The following CDH18 variants were observed in gnomAD, a reference collection of about 807,000 sequenced individuals.
The protein encoded by CDH18 is cadherin-18.
Under a neutral mutation model 67.9 loss-of-function variants are expected in CDH18, and 31 were observed. The observed-to-expected ratio is 0.46, with a 90% CI of 0.34 to 0.62. CDH18 has a LOEUF of 0.62. CDH18 is among the 20% of genes least tolerant of loss of function. The probability of loss-of-function intolerance (pLI) is 0.01; values close to 1 mark genes in which losing one functional copy is unlikely to be tolerated. For synonymous variants in CDH18, 362 were observed against 347.2 expected, an observed-to-expected ratio of 1.04 and a Z score of -0.48; for missense variants, 890 against 975.5, an observed-to-expected ratio of 0.91 and a Z score of 1.17.
chr5:19,933,591 C>T (rs186923138), intron 2 of CDH18, among the ~76,000 whole-genome samples: 1 of 151,548 alleles, frequency 6.6e-6, no homozygotes, highest in Admixed American at 6.6e-5. Flanking sequence ...AGTATTTTGC[C>T]ATCATAACTC....
At chr5:20,371,837 G>C (rs995698345) in intron 1 of CDH18, among the ~76,000 whole-genome samples, 2 of 152,190 alleles carry the variant, frequency 1.3e-5, no homozygotes, top group Admixed American at 1.3e-4. Flanking sequence ...TCCTGAGTAA[G>C]AGAAGAACAA....
chr5:20,525,331 C>T (rs189698839), intron 1 of CDH18, among the ~76,000 whole-genome samples: 3 of 152,136 alleles, frequency 2.0e-5, no homozygotes, highest in Admixed American at 2.0e-4. Context: ...TTTGTAGTGT[C>T]AGCATTTACT....
At chr5:20,098,445 T>C (rs1006057041) in intron 2 of CDH18, among the ~76,000 whole-genome samples, 1 of 152,104 alleles carries the variant, frequency 6.6e-6, no homozygotes. Flanking sequence ...TTGTTCATCT[T>C]ATTACCGAAA....
At chr5:19,616,960 C>A (rs568361536) in intron 5 of CDH18, among the ~76,000 whole-genome samples, 1 of 152,198 alleles carries the variant, frequency 6.6e-6, no homozygotes, top group South Asian at 2.1e-4. Context: ...CTATTTTCAT[C>A]ATGAAATGAC....
intron 3 of CDH18, among the ~76,000 whole-genome samples, chr5:19,819,678 C>G (rs186012484): frequency 6.6e-6 from 1 of 152,118 alleles, no homozygotes; most frequent in Non-Finnish European, 1.5e-5. Context: ...GAGGCAGAGG[C>G]TTGCACAGAG....
intron 5 of CDH18, among the ~76,000 whole-genome samples, chr5:19,614,891 T>C (rs1749563710): frequency 6.6e-6 from 1 of 152,178 alleles, no homozygotes; most frequent in Non-Finnish European, 1.5e-5. Flanking sequence ...CTCAGGCCTA[T>C]AATCCCAGCA....
intron 1 of CDH18, chr5:20,304,825 T>C: frequency 3.7e-6 from 6 of 1,611,502 alleles, no homozygotes; most frequent in Non-Finnish European, 4.2e-6. Flanking sequence ...AGATTCACTT[T>C]CAGAATTCCT....
At position 19,815,228 on chromosome 5, in the gene CDH18, C is replaced by A. The variant is rs146179621; in HGVS notation, c.228+23531G>T. Among the ~76,000 whole-genome samples the A allele has an allele frequency of 5.3e-3, 804 of 151,986 alleles. 2 individuals carry two copies. Among genetic ancestry groups the A allele is most frequent in the South Asian group, 0.012 (56 of 4,824 alleles). On this transcript the variant is annotated intron_variant, in intron 3 of 12. Coordinates refer to ENST00000382275, the MANE Select transcript of CDH18 (RefSeq NM_004934.5). ...GACTACTGGAAAAGTTATATATTCACGTAGAATTGTGTGCTATAATTAATT... is the reference window on the plus strand; with the variant it reads ...GACTACTGGAAAAGTTATATATTCAAGTAGAATTGTGTGCTATAATTAATT...
At chr5:19,797,511 A>ATAGAAGATCAT (rs1341662559) in intron 3 of CDH18, among the ~76,000 whole-genome samples, 4 of 152,024 alleles carry the variant, frequency 2.6e-5, no homozygotes, top group Admixed American at 2.6e-4. Flanking sequence ...AGTTGGTAGG[A>ATAGAAGATCAT]TAGAAGATCA....
chr5:20,117,327 G>A (rs1277265754), intron 2 of CDH18, among the ~76,000 whole-genome samples: 1 of 152,034 alleles, frequency 6.6e-6, no homozygotes, highest in Non-Finnish European at 1.5e-5. Context: ...AACAAAGTAT[G>A]CCAAGAAAAA....
At chr5:20,398,941 A>G (rs10060786) in intron 1 of CDH18, among the ~76,000 whole-genome samples, 40,527 of 73,524 alleles carry the variant, frequency 0.55, 13,190 homozygotes, top group Middle Eastern at 0.61. Flanking sequence ...GTATACCTAC[A>G]TAGAAAACCA....
chr5:20,051,149 T>C (rs2150490251), intron 2 of CDH18, among the ~76,000 whole-genome samples: 1 of 152,096 alleles, frequency 6.6e-6, no homozygotes, highest in South Asian at 2.1e-4. Context: ...CCTTTTCTCA[T>C]ACAATAATAA....
intron 3 of CDH18, among the ~76,000 whole-genome samples, chr5:19,763,251 T>A (rs779505598): frequency 2.0e-5 from 3 of 152,056 alleles, no homozygotes; most frequent in African/African-American, 7.2e-5. Context: ...GTACAAGAAA[T>A]GAAATAATGC....
At chr5:20,547,725 G>A (rs902506324) in intron 1 of CDH18, among the ~76,000 whole-genome samples, 1 of 152,122 alleles carries the variant, frequency 6.6e-6, no homozygotes, top group African/African-American at 2.4e-5. Context: ...GGTAAAATAT[G>A]ATAATGCCTG....
chr5:20,305,554 G>C (rs1287371008), intron 1 of CDH18: 2 of 701,664 alleles, frequency 2.9e-6, no homozygotes, highest in South Asian at 1.6e-5. Flanking sequence ...TGGTCGCGGG[G>C]CTGAGGGCGC....
chr5:20,533,775 G>T (rs909269251), intron 1 of CDH18, among the ~76,000 whole-genome samples: 2 of 151,936 alleles, frequency 1.3e-5, no homozygotes, highest in Non-Finnish European at 2.9e-5. Flanking sequence ...AAATAGGCAT[G>T]TCCATTTTGT....
rs774781662 is a variant in CDH18, at chr5:19,612,524, T to C, written c.721A>G (p.Met241Val). 1.2e-6 allele frequency: 2 copies of C among 1,613,896 alleles called. No homozygotes were observed. The highest frequency in any genetic ancestry group is 1.7e-6 in the Non-Finnish European group (2 of 1,179,938). The change falls in exon 6 of 13, where the codon ATG becomes GTG. Residue 241 changes from methionine (M) to valine (V), a missense_variant. Physicochemically the swap from Met to Val is conservative, Grantham distance 21. Around this residue, in one of 2 missense-constraint regions of CDH18, gnomAD observed 234 missense variants for 307.4 expected, o/e 0.76. Transcript: ENST00000382275. ...HYSVVIQAKD[M>V]AGQVGGLSGS... ...GAAAGCCCTCCAACTTGCCCAGCCA[T>C]GTCTTTGGCTTGAATGACTACGGAG...
At chr5:19,772,202 T>C in intron 3 of CDH18, among the ~76,000 whole-genome samples, 1 of 152,180 alleles carries the variant, frequency 6.6e-6, no homozygotes, top group South Asian at 2.1e-4. Context: ...ATTTACAATA[T>C]TACCACCTCC....
intron 1 of CDH18, among the ~76,000 whole-genome samples, chr5:20,494,738 A>G (rs1462829689): frequency 6.6e-6 from 1 of 152,176 alleles, no homozygotes; most frequent in Non-Finnish European, 1.5e-5. Flanking sequence ...TGGGCTTTCT[A>G]TGGCCACCTT....
Sources: gnomAD v4.1 joint callset for allele counts (sites outside exome capture counted in the v4.1 genomes callset) on GRCh38, gnomAD v4.1.1 for gene constraint, gnomAD v4.1.1 regional missense constraint, MANE v1.5 for transcripts, NCBI Gene and HGNC (gene_info 2026-07-23, HGNC 2026-07-21) for gene names.